Variants in MFN1 observed in about 807,000 individuals in gnomAD.
MFN1 encodes the protein mitofusin-1.
A neutral mutation model predicts 92.4 loss-of-function variants in MFN1; 65 were observed. The observed-to-expected ratio is 0.70, with a 90% CI of 0.58 to 0.86. The LOEUF is 0.86. Ranked by LOEUF, MFN1 falls within the 40% of genes least tolerant of loss-of-function variation. MFN1 has a pLI of 0.00. For synonymous variants in MFN1, 297 were observed against 300.9 expected, an observed-to-expected ratio of 0.99 and a Z score of 0.13; for missense variants, 781 against 868.0, an observed-to-expected ratio of 0.90 and a Z score of 1.26.
At chr3:179,366,471 T>C (rs1560193911) in intron 7 of MFN1, among the ~76,000 whole-genome samples, 1 of 152,142 alleles carries the variant, frequency 6.6e-6, no homozygotes. Context: ...ATAATATTTA[T>C]TTAATTTGCT....
intron 15 of MFN1, among the ~76,000 whole-genome samples, chr3:179,386,122 C>A (rs1259105002): frequency 6.6e-6 from 1 of 152,134 alleles, no homozygotes; most frequent in Non-Finnish European, 1.5e-5. Flanking sequence ...AAATGTATAT[C>A]ATTAACAGCA....
rs563237333 is a variant in MFN1, at chr3:179,387,985, G to A, written c.2012+1356G>A. Among the ~76,000 whole-genome samples the A allele has an allele frequency of 5.5e-4, 83 of 151,958 alleles. 2 individuals carry two copies. Among genetic ancestry groups the A allele is most frequent in the African/African-American group, 1.8e-3 (75 of 41,470 alleles). ...CTGACCTCATGATCCACTCGCCTCG[G>A]CCTCCCAAAGTGCTGGGATTACAGG... On this transcript the variant is annotated intron_variant, in intron 16 of 17. Transcript: ENST00000471841.
intron 17 of MFN1, among the ~76,000 whole-genome samples, chr3:179,390,958 G>T (rs986592392): frequency 2.6e-5 from 4 of 152,198 alleles, no homozygotes; most frequent in South Asian, 2.1e-4. Context: ...CCAACAACAC[G>T]TGTTCATTGT....
chr3:179,360,434 C>T (rs1386729073), intron 4 of MFN1, among the ~76,000 whole-genome samples: 2 of 151,866 alleles, frequency 1.3e-5, no homozygotes, highest in African/African-American at 4.8e-5. Context: ...ACTGTCTTAC[C>T]TCAGGATTAT....
At chr3:179,357,303 T>TGAG (rs1712383680) in intron 3 of MFN1, among the ~76,000 whole-genome samples, 1 of 152,184 alleles carries the variant, frequency 6.6e-6, no homozygotes, top group Admixed American at 6.5e-5. Flanking sequence ...CAGCCATATT[T>TGAG]CTGTCCAGAC....
intron 9 of MFN1, among the ~76,000 whole-genome samples, chr3:179,369,637 C>A (rs1295159151): frequency 6.6e-6 from 1 of 152,086 alleles, no homozygotes. Context: ...CCTAGCTGAT[C>A]ATCAGAATCA....
intron 14 of MFN1, among the ~76,000 whole-genome samples, chr3:179,384,424 T>C (rs962798924): frequency 6.6e-6 from 1 of 152,230 alleles, no homozygotes; most frequent in Non-Finnish European, 1.5e-5. Flanking sequence ...CTTTTTTGTG[T>C]GCTCACTAGC....
At chr3:179,378,060 C>CA (rs1425392662) in intron 12 of MFN1, among the ~76,000 whole-genome samples, 1 of 151,128 alleles carries the variant, frequency 6.6e-6, no homozygotes, top group Admixed American at 6.6e-5. Flanking sequence ...AACTCTATCT[C>CA]AAAAAAAATA....
chr3:179,348,122 G>T (rs911469842), intron 1 of MFN1: 1 of 152,046 alleles, frequency 6.6e-6, no homozygotes, highest in African/African-American at 2.4e-5. Flanking sequence ...CTTTTCTAAG[G>T]CAGGTGTTCA....
In MFN1 at chr3:179,393,583, G is replaced by C. The variant is rs761637547; in HGVS notation, c.*1524G>C. On this transcript the variant is annotated 3_prime_UTR_variant, in exon 18 of 18. Transcript: ENST00000471841. ...AATATATTTTTATGCAAATTGACAC[G>C]AGTGCAGTATACTAATGCAAATTAA... 5.3e-5 allele frequency: 8 copies of C among 152,102 alleles called. No homozygotes were observed. The highest frequency in any genetic ancestry group is 2.9e-5 in the Non-Finnish European group (2 of 68,018). 9.4% of individuals were successfully genotyped at this position (152,102 alleles called of 1,614,324 possible). A position where few individuals can be genotyped will look rare whatever the true frequency, so the allele number is the denominator to read the frequency against.
At chr3:179,348,665 A>G (rs1712015584) in intron 1 of MFN1, 180 bp from the exon 2 acceptor site, 1 of 841,842 alleles carries the variant, frequency 1.2e-6, no homozygotes, top group Non-Finnish European at 1.6e-6. Flanking sequence ...TTAGTGAAAT[A>G]TCATTCAAAA....
intron 5 of MFN1, among the ~76,000 whole-genome samples, chr3:179,363,237 A>G (rs930086215): frequency 5.9e-5 from 9 of 152,074 alleles, no homozygotes. Context: ...CTGAGTAGCC[A>G]CCACGCCTGG....
intron 8 of MFN1, 49 bp from the exon 9 acceptor site, chr3:179,367,987 C>T (rs73043490): frequency 0.17 from 218,193 of 1,247,048 alleles, 19,586 homozygotes; most frequent in Admixed American, 0.25. Flanking sequence ...TACCAGAAAA[C>T]ATATCTTGCT....
intron 9 of MFN1, among the ~76,000 whole-genome samples, chr3:179,370,334 G>GCT (rs1235510765): frequency 6.8e-6 from 1 of 147,804 alleles, no homozygotes; most frequent in Non-Finnish European, 1.5e-5. Context: ...CACAGCCCCA[G>GCT]CTCTTATGTA....
At position 179,378,294 on chromosome 3, in the gene MFN1, A is replaced by G. The variant is rs369135655; in HGVS notation, c.1330-47A>G. 5 of 1,363,562 alleles carry G rather than the reference A, an allele frequency of 3.7e-6. No homozygotes were observed. The South Asian group carries it at 3.8e-5, about 10-fold the overall frequency. 84.5% of individuals were successfully genotyped at this position (1,363,562 alleles called of 1,614,324 possible). ...TATTTTATGTCTTTATAAAAACTAC[A>G]TACTTTCTGGAGAAAAAATAATATG... On this transcript the variant is annotated intron_variant, in intron 12 of 17. Transcript: ENST00000471841.
intron 9 of MFN1, among the ~76,000 whole-genome samples, chr3:179,372,063 TTA>T (rs1282809835): frequency 6.8e-6 from 1 of 147,240 alleles, no homozygotes; most frequent in African/African-American, 2.5e-5. Context: ...TTATTATATA[TTA>T]TATATTATAT....
At chr3:179,380,417 G>C (rs1713420026) in intron 14 of MFN1, among the ~76,000 whole-genome samples, 1 of 103,634 alleles carries the variant, frequency 9.6e-6, no homozygotes, top group African/African-American at 4.1e-5. Context: ...CATCCTCACT[G>C]TTTTCAAGGA....
intron 14 of MFN1, among the ~76,000 whole-genome samples, chr3:179,380,643 T>C (rs879397354): frequency 2.6e-5 from 4 of 152,230 alleles, no homozygotes; most frequent in Non-Finnish European, 5.9e-5. Context: ...TTTCATTATT[T>C]CAACCTTGTG....
chr3:179,369,917 TAA>T (rs1180949545), intron 9 of MFN1, among the ~76,000 whole-genome samples: 3 of 152,210 alleles, frequency 2.0e-5, no homozygotes, highest in Non-Finnish European at 4.4e-5. Context: ...TGTTTTTACT[TAA>T]AGTCATGGAA....
Sources: gnomAD v4.1 joint callset for allele counts (sites outside exome capture counted in the v4.1 genomes callset) on GRCh38, gnomAD v4.1.1 for gene constraint, MANE v1.5 for transcripts, NCBI Gene and HGNC (gene_info 2026-07-23, HGNC 2026-07-21) for gene names.